The following CADPS2 variants were observed in gnomAD, a reference collection of about 807,000 sequenced individuals.
CADPS2 encodes the protein calcium-dependent secretion activator 2.
CADPS2 carries 93 observed loss-of-function variants against 172.5 expected under a neutral mutation model. The ratio of observed to expected loss-of-function variants is 0.54; its 90% CI spans 0.46 to 0.64. CADPS2 has a LOEUF of 0.64. Among genes scored for constraint, CADPS2 ranks in the 30% least tolerant of loss-of-function variants. CADPS2 has a pLI of 0.00. For missense variants in CADPS2, 1,420 were observed against 1,565.9 expected, an observed-to-expected ratio of 0.91 and a Z score of 1.57; for synonymous variants, 546 against 555.2, an observed-to-expected ratio of 0.98 and a Z score of 0.23.
intron 1 of CADPS2, among the ~76,000 whole-genome samples, chr7:122,819,735 A>C (rs183894575): frequency 2.0e-5 from 3 of 152,210 alleles, no homozygotes; most frequent in Non-Finnish European, 4.4e-5. Flanking sequence ...CCTGGACTAC[A>C]GCTATATCTC....
At chr7:122,447,031 CTTTTTTTTTTTTTTTTTT>C (rs71530096) in intron 15 of CADPS2, among the ~76,000 whole-genome samples, 1 of 78,350 alleles carries the variant, frequency 1.3e-5, no homozygotes. Context: ...GTAGCTCCCT[CTTTTTTTTTTTTTTTTTT>C]TTTTTTTTGA....
At chr7:122,733,285 A>C (rs1332229075) in intron 2 of CADPS2, among the ~76,000 whole-genome samples, 3 of 152,046 alleles carry the variant, frequency 2.0e-5, no homozygotes, top group African/African-American at 7.2e-5. Context: ...AAGTAAGAAT[A>C]AAAACAAGAT....
At chr7:122,885,480 T>A (rs984366095) in intron 1 of CADPS2, among the ~76,000 whole-genome samples, 7 of 152,166 alleles carry the variant, frequency 4.6e-5, no homozygotes, top group African/African-American at 1.7e-4. Context: ...CGTATTAATT[T>A]AACTTTTTTA....
intron 1 of CADPS2, among the ~76,000 whole-genome samples, chr7:122,825,042 C>T (rs1161408166): frequency 6.6e-6 from 1 of 152,036 alleles, no homozygotes; most frequent in Non-Finnish European, 1.5e-5. Flanking sequence ...AAAAACAATC[C>T]ACATGTCTTT....
chr7:122,575,064 C>T (rs1280536491), intron 7 of CADPS2, among the ~76,000 whole-genome samples: 3 of 151,696 alleles, frequency 2.0e-5, no homozygotes, highest in African/African-American at 4.8e-5. Flanking sequence ...TTACCTAAAA[C>T]CAGTCATGAA....
At chr7:122,766,456 T>C (rs964004921) in intron 1 of CADPS2, among the ~76,000 whole-genome samples, 7 of 152,090 alleles carry the variant, frequency 4.6e-5, no homozygotes, top group Non-Finnish European at 7.4e-5. Flanking sequence ...TTCTAATCAT[T>C]TTACCAATTT....
chr7:122,408,087 C>T (rs35636140), intron 19 of CADPS2, among the ~76,000 whole-genome samples: 15,329 of 151,402 alleles, frequency 0.1, 1,220 homozygotes, highest in African/African-American at 0.22. Flanking sequence ...TGAATAGAAA[C>T]ATTAAAACAT....
chr7:122,779,046 GCA>G (rs1381276200), intron 1 of CADPS2, among the ~76,000 whole-genome samples: 1 of 152,168 alleles, frequency 6.6e-6, no homozygotes, highest in Admixed American at 6.5e-5. Context: ...CAGTCCCTCT[GCA>G]CACACTCTCT....
intron 8 of CADPS2, among the ~76,000 whole-genome samples, chr7:122,550,507 A>C (rs1044308961): frequency 1.6e-4 from 24 of 152,210 alleles, no homozygotes; most frequent in African/African-American, 5.5e-4. Flanking sequence ...GATCATGGTC[A>C]TAATGCTTCC....
At chr7:122,740,559 G>A (rs909381180) in intron 1 of CADPS2, among the ~76,000 whole-genome samples, 1 of 152,010 alleles carries the variant, frequency 6.6e-6, no homozygotes, top group African/African-American at 2.4e-5. Context: ...ATGCATGTGT[G>A]GGGGCAGGAT....
intron 1 of CADPS2, among the ~76,000 whole-genome samples, chr7:122,750,652 T>A (rs539235185): frequency 6.6e-6 from 1 of 152,116 alleles, no homozygotes; most frequent in African/African-American, 2.4e-5. Flanking sequence ...GACAAATAGA[T>A]GACACTAAGA....
At chr7:122,377,023 A>AT (rs1563185751) in intron 25 of CADPS2, among the ~76,000 whole-genome samples, 1 of 152,194 alleles carries the variant, frequency 6.6e-6, no homozygotes, top group Non-Finnish European at 1.5e-5. Flanking sequence ...CTTATTTTAT[A>AT]CTTTTCAACC....
rs1158750441 is a variant in CADPS2 at position 122,379,394 on chromosome 7, C to T, written c.3361G>A (p.Glu1121Lys). The T allele has an allele frequency of 6.2e-7, 1 of 1,601,346 alleles. No individual in the cohort carries two copies. Among genetic ancestry groups the T allele is most frequent in the African/African-American group, 1.3e-5 (1 of 74,610 alleles). Residue 1121 changes from glutamate (E) to lysine (K), a missense_variant, in exon 25 of 30, where the codon GAA becomes AAA. Physicochemically the swap from Glu to Lys is moderately conservative, Grantham distance 56. Coordinates refer to ENST00000449022, the MANE Select transcript of CADPS2 (RefSeq NM_017954.11). ...TTTGAAACTAACAGTGAAATGATTT[C>T]TTTTACACTGTTGTCGATCAGATCA... Reference protein sequence around the residue: ...IDDLIDNSVKEIISLLVSKFV... With the variant: ...IDDLIDNSVKKIISLLVSKFV...
At chr7:122,510,451 C>T (rs893540760) in intron 9 of CADPS2, among the ~76,000 whole-genome samples, 4 of 152,138 alleles carry the variant, frequency 2.6e-5, no homozygotes, top group East Asian at 1.9e-4. Flanking sequence ...GTCTTTGAAA[C>T]GTCTTTTCAC....
chr7:122,725,167 T>C (rs989639556), intron 2 of CADPS2, among the ~76,000 whole-genome samples: 1 of 152,022 alleles, frequency 6.6e-6, no homozygotes, highest in Admixed American at 6.6e-5. Context: ...AGTACTACTG[T>C]ACTTTATTGT....
chr7:122,448,607 G>GT (rs1042223779), intron 15 of CADPS2, among the ~76,000 whole-genome samples: 40 of 152,286 alleles, frequency 2.6e-4, no homozygotes, highest in Admixed American at 1.3e-3. Context: ...TGTAGTTGTA[G>GT]TTTTTGGGTG....
At chr7:122,714,322 G>A (rs1260077738) in intron 2 of CADPS2, among the ~76,000 whole-genome samples, 1 of 152,044 alleles carries the variant, frequency 6.6e-6, no homozygotes, top group Non-Finnish European at 1.5e-5. Flanking sequence ...AGAATACAAA[G>A]TGGACATAGT....
At chr7:122,490,418 G>A in intron 10 of CADPS2, 137 bp from the exon 11 acceptor site, 1 of 652,178 alleles carries the variant, frequency 1.5e-6, no homozygotes, top group Non-Finnish European at 2.6e-6. Context: ...TAGTTTAAAG[G>A]ATCAAATCCA....
At chr7:122,876,435 C>A (rs1821229066) in intron 1 of CADPS2, among the ~76,000 whole-genome samples, 1 of 152,148 alleles carries the variant, frequency 6.6e-6, no homozygotes, top group Non-Finnish European at 1.5e-5. Flanking sequence ...AATCACAGAT[C>A]ATTGTAGCCT....
Sources: gnomAD v4.1 joint callset for allele counts (sites outside exome capture counted in the v4.1 genomes callset) on GRCh38, gnomAD v4.1.1 for gene constraint, MANE v1.5 for transcripts, NCBI Gene and HGNC (gene_info 2026-07-23, HGNC 2026-07-21) for gene names.